Variants in NEDD4 observed in about 807,000 individuals in gnomAD.
NEDD4 encodes the protein E3 ubiquitin-protein ligase NEDD4.
NEDD4 carries 99 observed loss-of-function variants against 144.9 expected under a neutral mutation model. The ratio of observed to expected loss-of-function variants is 0.68; its 90% confidence interval spans 0.58 to 0.81. The LOEUF is 0.81. NEDD4 is among the 30% of genes least tolerant of loss of function. The probability of loss-of-function intolerance (pLI) is 0.00; values close to 1 mark genes in which losing one functional copy is unlikely to be tolerated. For missense variants in NEDD4, 985 were observed against 1,065.9 expected (o/e 0.92, Z 1.06); for synonymous variants, 318 against 350.6 (o/e 0.91, Z 1.04).
intron 5 of NEDD4, among the ~76,000 whole-genome samples, chr15:55,912,475 T>C (rs2036305451): frequency 6.6e-6 from 1 of 152,014 alleles, no homozygotes. Flanking sequence ...TAAAAAATAA[T>C]TCTAATAAAA....
chr15:55,868,475 T>C (rs578161748), intron 8 of NEDD4, among the ~76,000 whole-genome samples: 1 of 152,204 alleles, frequency 6.6e-6, no homozygotes, highest in Non-Finnish European at 1.5e-5. Context: ...AACTGAATCA[T>C]GAGAGTGAGT....
chr15:55,829,745 C>T lies in NEDD4; in HGVS notation c.*152G>A, dbSNP rs559433542. 8.0e-5 allele frequency: 46 copies of T among 578,454 alleles called. 1 individual carries two copies. The East Asian group carries it at 8.9e-4, about 11-fold the overall frequency. 35.8% of individuals were successfully genotyped at this position (578,454 alleles called of 1,614,324 possible). A position where few individuals can be genotyped will look rare whatever the true frequency, so the allele number is the denominator to read the frequency against. ...TTAAAAGTGATTAAAAATAAGTTGT[C>T]GTACTATTTCTTCAAATGCTTTTTA... On this transcript the variant is annotated 3_prime_UTR_variant, in exon 29 of 29. Coordinates refer to ENST00000435532, the MANE Select transcript of NEDD4 (RefSeq NM_006154.4).
chr15:55,897,022 G>A (rs961659468), intron 5 of NEDD4, among the ~76,000 whole-genome samples: 13 of 151,930 alleles, frequency 8.6e-5, no homozygotes, highest in Non-Finnish European at 1.6e-4. Context: ...TGCCCAGACC[G>A]GAGTGCAGTG....
intron 24 of NEDD4, among the ~76,000 whole-genome samples, chr15:55,836,371 C>CAT (rs1309062943): frequency 5.1e-4 from 63 of 122,548 alleles, no homozygotes; most frequent in Non-Finnish European, 9.0e-4. Flanking sequence ...CACACACACA[C>CAT]ACTTTAGAGA....
At chr15:55,963,128 C>CTTTTTTTTTTTTTTTTTTTTTTTTTTT (rs754905603) in intron 2 of NEDD4, among the ~76,000 whole-genome samples, 1 of 142,656 alleles carries the variant, frequency 7.0e-6, no homozygotes, top group African/African-American at 2.6e-5. Flanking sequence ...TTCTGGCACT[C>CTTTTTTTTTTTTTTTTTTTTTTTTTTT]TTTTTTATTT....
intron 5 of NEDD4, among the ~76,000 whole-genome samples, chr15:55,914,439 A>G (rs1369303798): frequency 6.6e-6 from 1 of 152,086 alleles, no homozygotes; most frequent in East Asian, 1.9e-4. Context: ...CTTTTGGCTA[A>G]GATTCATAAG....
chr15:55,957,137 C>T (rs1313862427), intron 2 of NEDD4, among the ~76,000 whole-genome samples: 1 of 152,168 alleles, frequency 6.6e-6, no homozygotes, highest in African/African-American at 2.4e-5. Flanking sequence ...TATACAAACA[C>T]TGACTTTGCA....
intron 5 of NEDD4, among the ~76,000 whole-genome samples, chr15:55,876,971 C>T (rs2035016708): frequency 6.6e-6 from 1 of 151,244 alleles, no homozygotes; most frequent in South Asian, 2.1e-4. Context: ...TTTCAAAGTG[C>T]TGGGATTACA....
chr15:55,856,793 A>C lies in NEDD4; in HGVS notation c.961-597T>G, dbSNP rs539917896. 2.6e-5 allele frequency among the ~76,000 whole-genome samples: 4 copies of C among 152,272 alleles called. No homozygotes were observed. In the East Asian group the frequency reaches 5.8e-4, roughly 22 times the overall value. On this transcript the variant is annotated intron_variant, in intron 11 of 28. Coordinates refer to ENST00000435532, the MANE Select transcript of NEDD4 (RefSeq NM_006154.4). The stretch of plus-strand genomic sequence containing the variant: ...AGACTACTTGTTTCCTGGAAATCTC[A>C]TGTTCTTTCTTTCCTTATGTTTTTC...
chr15:55,905,677 CT>C (rs1186331100), intron 5 of NEDD4, among the ~76,000 whole-genome samples: 1 of 152,194 alleles, frequency 6.6e-6, no homozygotes, highest in African/African-American at 2.4e-5. Context: ...CAAGAAAGAA[CT>C]TTAAAAATAA....
chr15:55,947,324 A>T (rs2037135487), intron 4 of NEDD4, among the ~76,000 whole-genome samples: 1 of 152,164 alleles, frequency 6.6e-6, no homozygotes. Context: ...GATAAAGGGG[A>T]TATCACCACC....
chr15:55,833,113 G>A lies in NEDD4; in HGVS notation c.2431-9C>T, dbSNP rs370778504. On this transcript the variant is annotated splice_polypyrimidine_tract_variant and intron_variant, in intron 26 of 28. Coordinates refer to ENST00000435532, the MANE Select transcript of NEDD4 (RefSeq NM_006154.4). Reference sequence around the variant, plus strand: ...TCCATCATTAAAACAGCCTGAATAAGATAAAAACATCATTTAGGGAACAGC... The same window carrying A: ...TCCATCATTAAAACAGCCTGAATAAAATAAAAACATCATTTAGGGAACAGC... 6.4e-7 allele frequency: 1 copy of A among 1,563,580 alleles called. No individual in the cohort carries two copies. The highest frequency in any genetic ancestry group is 8.8e-7 in the Non-Finnish European group (1 of 1,136,988).
intron 1 of NEDD4, among the ~76,000 whole-genome samples, chr15:55,974,260 G>A (rs2037662762): frequency 6.6e-6 from 1 of 152,096 alleles, no homozygotes; most frequent in South Asian, 2.1e-4. Context: ...CAAATAATGA[G>A]GTTGAAGCTG....
At chr15:55,891,953 T>G (rs1022683463) in intron 5 of NEDD4, among the ~76,000 whole-genome samples, 4 of 152,086 alleles carry the variant, frequency 2.6e-5, no homozygotes, top group Non-Finnish European at 4.4e-5. Context: ...TACTTTGCTT[T>G]AAAAAGAGTT....
chr15:55,898,631 CTTTTTTTTTTT>C (rs34372143), intron 5 of NEDD4, among the ~76,000 whole-genome samples: 1 of 108,318 alleles, frequency 9.2e-6, no homozygotes, highest in Non-Finnish European at 1.9e-5. Flanking sequence ...ACAAAAAGAA[CTTTTTTTTTTT>C]TTTTTTTTTT....
intron 4 of NEDD4, among the ~76,000 whole-genome samples, chr15:55,935,374 T>TG (rs1275297529): frequency 2.0e-5 from 3 of 152,260 alleles, no homozygotes; most frequent in African/African-American, 7.2e-5. Flanking sequence ...TGACTATGTC[T>TG]GTCAGGGATA....
chr15:55,956,398 G>T (rs975492539), intron 2 of NEDD4, among the ~76,000 whole-genome samples: 1 of 152,092 alleles, frequency 6.6e-6, no homozygotes, highest in African/African-American at 2.4e-5. Flanking sequence ...ATAGAGCAAA[G>T]ATTTTTTTCC....
intron 1 of NEDD4, among the ~76,000 whole-genome samples, chr15:55,980,252 A>AC (rs1302844250): frequency 6.6e-6 from 1 of 151,954 alleles, no homozygotes; most frequent in Non-Finnish European, 1.5e-5. Context: ...TTAACTTTAT[A>AC]CCCCTCTGTA....
intron 4 of NEDD4, among the ~76,000 whole-genome samples, chr15:55,943,905 A>G (rs1266975937): frequency 2.6e-5 from 4 of 152,232 alleles, no homozygotes; most frequent in African/African-American, 9.6e-5. Context: ...CCTTGCAGAG[A>G]CACAGGGGTG....
Sources: gnomAD v4.1 joint callset for allele counts (sites outside exome capture counted in the v4.1 genomes callset) on GRCh38, gnomAD v4.1.1 for gene constraint, MANE v1.5 for transcripts, NCBI Gene and HGNC (gene_info 2026-07-23, HGNC 2026-07-21) for gene names.